Variants in SLC2A12 observed in about 807,000 individuals in gnomAD.
The protein encoded by SLC2A12 is solute carrier family 2, facilitated glucose transporter member 12.
SLC2A12 carries 23 observed loss-of-function variants against 41.8 expected under a neutral mutation model. That is an observed-to-expected ratio of 0.55 (90% confidence interval 0.40 to 0.78). The LOEUF is 0.78. Ranked by LOEUF, SLC2A12 falls within the 30% of genes least tolerant of loss-of-function variation. The pLI, the probability that SLC2A12 is intolerant of heterozygous loss-of-function variation, is 0.00. For synonymous variants in SLC2A12, 295 were observed against 285.9 expected (o/e 1.03, Z -0.32); for missense variants, 654 against 745.6 (o/e 0.88, Z 1.43).
chr6:134,039,326 C>T (rs879815017), intron 1 of SLC2A12, among the ~76,000 whole-genome samples: 1 of 152,162 alleles, frequency 6.6e-6, no homozygotes, highest in Non-Finnish European at 1.5e-5. Context: ...CTATTTGCAT[C>T]TCAGTTCTCA....
intron 1 of SLC2A12, among the ~76,000 whole-genome samples, chr6:134,034,615 TAG>T (rs1466928453): frequency 6.6e-6 from 1 of 152,080 alleles, no homozygotes; most frequent in Non-Finnish European, 1.5e-5. Context: ...TGCTGGAAAG[TAG>T]AGATACCTTT....
intron 4 of SLC2A12, among the ~76,000 whole-genome samples, chr6:133,995,370 A>G (rs1330120248): frequency 6.6e-6 from 1 of 151,908 alleles, no homozygotes; most frequent in Non-Finnish European, 1.5e-5. Flanking sequence ...CTCTCATAGG[A>G]AGGACTGCAT....
At position 133,995,697 on chromosome 6, in the gene SLC2A12, T is replaced by C. The variant is rs538579035; in HGVS notation, c.1701-4389A>G. Among the ~76,000 whole-genome samples, 16 of 152,294 alleles carry C rather than the reference T, an allele frequency of 1.1e-4. No homozygotes were observed. In the South Asian group the frequency reaches 3.3e-3, roughly 32 times the overall value. On this transcript the variant is annotated intron_variant, in intron 4 of 4. Coordinates refer to ENST00000275230, the MANE Select transcript of SLC2A12 (RefSeq NM_145176.3). ...GCTGGATGGCTGCAGACACTTACTA[T>C]GGCACACTTTAAAGTGTAAATCAGA...
chr6:134,014,204 A>G (rs1776926156), intron 2 of SLC2A12, among the ~76,000 whole-genome samples: 1 of 152,134 alleles, frequency 6.6e-6, no homozygotes, highest in South Asian at 2.1e-4. Context: ...GGAGCATGCA[A>G]CCTACATCCC....
chr6:134,049,931 C>T (rs952708436), intron 1 of SLC2A12, among the ~76,000 whole-genome samples: 6 of 152,046 alleles, frequency 3.9e-5, no homozygotes, highest in African/African-American at 1.4e-4. Flanking sequence ...TTTGATTTTT[C>T]CATCTAGGAA....
chr6:134,016,124 T>C (rs1483797714), intron 2 of SLC2A12, among the ~76,000 whole-genome samples: 3 of 152,162 alleles, frequency 2.0e-5, no homozygotes, highest in Non-Finnish European at 4.4e-5. Context: ...TGACTGTCTT[T>C]GCTCTAGGCT....
intron 1 of SLC2A12, among the ~76,000 whole-genome samples, chr6:134,041,454 G>A (rs936598802): frequency 2.0e-5 from 3 of 151,956 alleles, no homozygotes; most frequent in African/African-American, 7.3e-5. Flanking sequence ...CTGCCCTTCA[G>A]CCAGGGCAAC....
chr6:133,995,837 C>G (rs1776680526), intron 4 of SLC2A12, among the ~76,000 whole-genome samples: 1 of 152,230 alleles, frequency 6.6e-6, no homozygotes, highest in Admixed American at 6.5e-5. Context: ...TACTTCCTAA[C>G]TCATTGTCAA....
At chr6:134,037,376 T>C (rs975430771) in intron 1 of SLC2A12, among the ~76,000 whole-genome samples, 1 of 151,548 alleles carries the variant, frequency 6.6e-6, no homozygotes, top group East Asian at 1.9e-4. Context: ...TTGTTTTTTT[T>C]TTCAGACGGA....
chr6:134,049,394 T>G (rs1773641848), intron 1 of SLC2A12, among the ~76,000 whole-genome samples: 1 of 152,172 alleles, frequency 6.6e-6, no homozygotes, highest in East Asian at 1.9e-4. Flanking sequence ...GATCATGAAA[T>G]AAAGGAAGCC....
intron 1 of SLC2A12, among the ~76,000 whole-genome samples, chr6:134,033,586 G>A (rs1281854607): frequency 6.6e-6 from 1 of 152,120 alleles, no homozygotes; most frequent in African/African-American, 2.4e-5. Context: ...TGGACCACCT[G>A]GGAGGCCAGA....
At position 133,991,107 on chromosome 6, in the gene SLC2A12, C is replaced by A. The variant is rs773581907; in HGVS notation, c.*48G>T. The A allele has an allele frequency of 7.0e-6, 11 of 1,565,022 alleles. No individual in the cohort carries two copies. In the East Asian group the frequency reaches 2.3e-4, roughly 32 times the overall value. ...CAACTATGCATTGGTCCAAAGACAC[C>A]CTCCTAAGTGTTCTGGCACTATCCA... On this transcript the variant is annotated 3_prime_UTR_variant, in exon 5 of 5. Coordinates refer to ENST00000275230, the MANE Select transcript of SLC2A12 (RefSeq NM_145176.3).
rs201307666 is a variant in SLC2A12 at position 134,028,360 on chromosome 6, A to G, written c.1444+21T>C. 62 of 1,577,688 alleles carry G rather than the reference A, an allele frequency of 3.9e-5. 1 individual carries two copies. In the East Asian group the frequency reaches 1.1e-3, roughly 27 times the overall value. On this transcript the variant is annotated intron_variant, in intron 2 of 4. Transcript: ENST00000275230. ...TGCTCTGACTGGTCAAAAGCAATACATTAAAGAATAAAGTACTTACTTGGT... is the reference window on the plus strand; with the variant it reads ...TGCTCTGACTGGTCAAAAGCAATACGTTAAAGAATAAAGTACTTACTTGGT...
Position 134,028,864 on chromosome 6 carries a change from T to G in SLC2A12, c.961A>C (p.Thr321Pro). The change falls in exon 2 of 5, where the codon ACT becomes CCT. Residue 321 changes from threonine to proline, a missense_variant. Transcript: ENST00000275230. ...ATGACCTTGACGACTCCAACCCCAG[T>G]GGAGGCGAGGCTAGCTGCCTCATTG... ...QSNEAASLAS[T>P]GVGVVKVIST... The G allele has an allele frequency of 6.2e-7, 1 of 1,614,224 alleles. No individual in the cohort carries two copies. The highest frequency in any genetic ancestry group is 8.5e-7 in the Non-Finnish European group (1 of 1,180,046).
intron 4 of SLC2A12, among the ~76,000 whole-genome samples, chr6:133,995,853 A>T (rs1243322935): frequency 6.6e-6 from 1 of 152,250 alleles, no homozygotes; most frequent in Non-Finnish European, 1.5e-5. Flanking sequence ...GTCAAAGATT[A>T]CAGCCTTCTT....
At chr6:134,021,833 C>A (rs1777044473) in intron 2 of SLC2A12, among the ~76,000 whole-genome samples, 1 of 152,126 alleles carries the variant, frequency 6.6e-6, no homozygotes, top group Admixed American at 6.5e-5. Context: ...GGAGATAAAG[C>A]TTTCATTTAA....
chr6:133,992,896 TC>T (rs1776641676), intron 4 of SLC2A12, among the ~76,000 whole-genome samples: 1 of 152,138 alleles, frequency 6.6e-6, no homozygotes, highest in Non-Finnish European at 1.5e-5. Context: ...GCTTTTCTGT[TC>T]CCCTTCACAG....
intron 1 of SLC2A12, among the ~76,000 whole-genome samples, chr6:134,043,878 C>G (rs1285746693): frequency 7.3e-5 from 11 of 151,608 alleles, no homozygotes; most frequent in African/African-American, 2.7e-4. Context: ...TTTCATGGTA[C>G]TTAGTTCACA....
At chr6:134,040,058 G>GT (rs11371413) in intron 1 of SLC2A12, among the ~76,000 whole-genome samples, 78,688 of 139,118 alleles carry the variant, frequency 0.57, 21,493 homozygotes, top group South Asian at 0.65. Flanking sequence ...GTTGTTTTTT[G>GT]TTTTTTTTTT....
Sources: allele counts gnomAD v4.1 joint callset (sites outside exome capture counted in the v4.1 genomes callset), GRCh38; gene constraint gnomAD v4.1.1; transcripts MANE v1.5; gene names NCBI Gene and HGNC (gene_info 2026-07-23, HGNC 2026-07-21).